Variants in UNC79 observed in about 807,000 individuals in gnomAD.
UNC79 encodes the protein protein unc-79 homolog.
UNC79 carries 37 observed loss-of-function variants against 283.1 expected under a neutral mutation model. That is an observed-to-expected ratio of 0.13 (90% CI 0.10 to 0.17). UNC79 has a LOEUF of 0.17. Among genes scored for constraint, UNC79 ranks in the 10% least tolerant of loss-of-function variants. UNC79 has a pLI of 1.00. For missense variants in UNC79, 2,272 were observed against 3,211.1 expected, an observed-to-expected ratio of 0.71 and a Z score of 7.07; for synonymous variants, 1,107 against 1,200.2, an observed-to-expected ratio of 0.92 and a Z score of 1.61.
In UNC79 at chr14:93,618,243, A is replaced by G. The variant is rs752852191; in HGVS notation, c.4276A>G (p.Ile1426Val). The G allele has an allele frequency of 6.8e-6, 11 of 1,613,996 alleles. No homozygotes were observed. In the East Asian group the frequency reaches 1.8e-4, roughly 26 times the overall value. ...CAAGATCCTGCTGCATCTGATTCACATAACAGTCAATACACTCAATGCGCA... is the reference window on the plus strand; with the variant it reads ...CAAGATCCTGCTGCATCTGATTCACGTAACAGTCAATACACTCAATGCGCA... Residue 1426 changes from isoleucine (I) to valine (V), a missense_variant, in exon 29 of 49, where the codon ATA becomes GTA. Physicochemically the swap from Ile to Val is conservative, Grantham distance 29. Around this residue, in one of 11 missense-constraint regions of UNC79, gnomAD observed 128 missense variants for 230.3 expected, o/e 0.56. Transcript: ENST00000555664.
intron 5 of UNC79, among the ~76,000 whole-genome samples, chr14:93,491,387 G>A (rs1195376449): frequency 6.6e-6 from 1 of 151,904 alleles, no homozygotes; most frequent in Non-Finnish European, 1.5e-5. Flanking sequence ...TATATATTAT[G>A]TCCTTAATAA....
At chr14:93,626,028 C>T (rs1188727331) in intron 30 of UNC79, among the ~76,000 whole-genome samples, 1 of 152,192 alleles carries the variant, frequency 6.6e-6, no homozygotes, top group Non-Finnish European at 1.5e-5. Flanking sequence ...AGTGCAACTA[C>T]ATGCACAAAA....
chr14:93,646,634 A>G lies in UNC79; in HGVS notation c.6071A>G (p.Asn2024Ser), dbSNP rs377157846. 27 of 1,613,636 alleles carry G rather than the reference A, an allele frequency of 1.7e-5. No individual in the cohort carries two copies. The East Asian group carries it at 4.9e-4, about 29-fold the overall frequency. The change falls in exon 35 of 49, where the codon AAT becomes AGT. Residue 2024 changes from asparagine (N) to serine (S), a missense_variant. Transcript: ENST00000555664. Reference sequence around the variant, plus strand: ...TTGGCATCCAGTACTACCTTTTCTAATCAAGCAGAAAGGTAAGGTCCTAAC... The same window carrying G: ...TTGGCATCCAGTACTACCTTTTCTAGTCAAGCAGAAAGGTAAGGTCCTAAC...
At chr14:93,685,766 C>A (rs74073874) in intron 42 of UNC79, among the ~76,000 whole-genome samples, 4,164 of 152,296 alleles carry the variant, frequency 0.027, 198 homozygotes, top group African/African-American at 0.095. Flanking sequence ...TTCTCTCATA[C>A]GGCTTTGATA....
At chr14:93,386,559 A>C (rs1394745704) in intron 1 of UNC79, among the ~76,000 whole-genome samples, 1 of 152,054 alleles carries the variant, frequency 6.6e-6, no homozygotes, top group East Asian at 1.9e-4. Context: ...TTCTTCTTTA[A>C]ATGTTTGTTA....
intron 4 of UNC79, among the ~76,000 whole-genome samples, chr14:93,479,233 C>CT (rs1194600601): frequency 7.7e-6 from 1 of 129,572 alleles, no homozygotes; most frequent in African/African-American, 2.9e-5. Flanking sequence ...CCTTCCTTTC[C>CT]TTCCTTCCTC....
intron 1 of UNC79, among the ~76,000 whole-genome samples, chr14:93,343,108 T>C (rs1397750204): frequency 3.9e-5 from 6 of 152,200 alleles, no homozygotes; most frequent in Admixed American, 1.3e-4. Context: ...ATTACCCAGT[T>C]CCAAAGTGAC....
chr14:93,497,217 C>A, exon 7 of UNC79: 1 of 1,613,622 alleles, frequency 6.2e-7, no homozygotes, highest in Non-Finnish European at 8.5e-7. Context: ...TGTGCAAATG[C>A]TTTTCCACTA....
At position 93,516,454 on chromosome 14, in the gene UNC79, G is replaced by GT. The variant is rs2060062821; in HGVS notation, c.899-7524_899-7523insT. Among the ~76,000 whole-genome samples, 5 of 122,184 alleles carry GT rather than the reference G, an allele frequency of 4.1e-5. 1 individual carries two copies. Among genetic ancestry groups the GT allele is most frequent in the South Asian group, 6.3e-4 (2 of 3,176 alleles). The allele number at this position is 122,184 out of a possible 152,430, so 80.2% of individuals were successfully genotyped here. A position where few individuals can be genotyped will look rare whatever the true frequency, so the allele number is the denominator to read the frequency against. ...AATCTGCTTGGATATTTTTTTTGGG[G>GT]GGGGGGGTGGGGGATGGAGTCTTAC... is the stretch of plus-strand genomic sequence containing the variant. On this transcript the variant is annotated intron_variant, in intron 7 of 48. Transcript: ENST00000555664.
chr14:93,334,943 A>G (rs2053544245), intron 1 of UNC79: 1 of 152,272 alleles, frequency 6.6e-6, no homozygotes, highest in African/African-American at 2.4e-5. Flanking sequence ...GAAATGTTAA[A>G]TAAGATCAGT....
chr14:93,623,620 C>G (rs926561008), intron 30 of UNC79, among the ~76,000 whole-genome samples: 2 of 152,170 alleles, frequency 1.3e-5, no homozygotes, highest in Admixed American at 6.5e-5. Flanking sequence ...TGGGGCTGGG[C>G]GTAGTGGTTC....
intron 5 of UNC79, among the ~76,000 whole-genome samples, chr14:93,492,679 A>G (rs2140524457): frequency 6.6e-6 from 1 of 152,240 alleles, no homozygotes; most frequent in South Asian, 2.1e-4. Flanking sequence ...TGATAAGGTA[A>G]ATGGGGCATT....
Position 93,683,845 on chromosome 14 carries a change from C to CAA in UNC79, c.6819+1163_6819+1164dup, listed in dbSNP as rs559221988. 8.1e-3 allele frequency among the ~76,000 whole-genome samples: 1,075 copies of CAA among 133,330 alleles called. 11 individuals carry two copies. Among genetic ancestry groups the CAA allele is most frequent in the African/African-American group, 0.024 (897 of 36,732 alleles). 87.5% of individuals were successfully genotyped at this position (133,330 alleles called of 152,430 possible). ...AGCCAATCAGCAGACTTTTCTGTCT[C>CAA]AAAAAAAAAAAAACACACACTTCAT... On this transcript the variant is annotated intron_variant, in intron 42 of 48. Coordinates refer to ENST00000555664, the Ensembl canonical transcript of UNC79.
At chr14:93,348,687 C>G (rs1030697349) in intron 1 of UNC79, among the ~76,000 whole-genome samples, 25 of 152,142 alleles carry the variant, frequency 1.6e-4, no homozygotes, top group Non-Finnish European at 8.8e-5. Flanking sequence ...ATTATCTTCT[C>G]TTAGTCTTCT....
chr14:93,635,196 A>T (rs1276573807), intron 31 of UNC79, among the ~76,000 whole-genome samples: 1 of 152,188 alleles, frequency 6.6e-6, no homozygotes, highest in Non-Finnish European at 1.5e-5. Flanking sequence ...CTGCCATGAC[A>T]TGTCTATTCT....
At chr14:93,699,359 G>A (rs1483755403) in intron 47 of UNC79, among the ~76,000 whole-genome samples, 1 of 152,070 alleles carries the variant, frequency 6.6e-6, no homozygotes, top group Non-Finnish European at 1.5e-5. Flanking sequence ...AACTGAGATG[G>A]CAACTAAGAT....
chr14:93,400,429 A>C (rs1260492526), intron 1 of UNC79, among the ~76,000 whole-genome samples: 1 of 152,046 alleles, frequency 6.6e-6, no homozygotes, highest in African/African-American at 2.4e-5. Context: ...GTAGTAGTTA[A>C]ATATGGTATA....
chr14:93,399,497 T>C (rs10142345), intron 1 of UNC79, among the ~76,000 whole-genome samples: 82,523 of 151,938 alleles, frequency 0.54, 22,998 homozygotes, highest in Admixed American at 0.65. Flanking sequence ...TTACAGTCAT[T>C]CTTTTTTTCC....
intron 1 of UNC79, among the ~76,000 whole-genome samples, chr14:93,394,246 C>A (rs1468737030): frequency 6.6e-6 from 1 of 152,120 alleles, no homozygotes; most frequent in Non-Finnish European, 1.5e-5. Flanking sequence ...TGATACTTAA[C>A]ATTATTCAGT....
Sources: gnomAD v4.1 joint callset for allele counts (sites outside exome capture counted in the v4.1 genomes callset) on GRCh38, gnomAD v4.1.1 for gene constraint, gnomAD v4.1.1 regional missense constraint, MANE v1.5 for transcripts, NCBI Gene and HGNC (gene_info 2026-07-23, HGNC 2026-07-21) for gene names.